TCF25: variants seen among roughly 807,000 people sequenced by gnomAD.
The protein encoded by TCF25 is ribosome quality control complex subunit TCF25.
Under a neutral mutation model 83.1 loss-of-function variants are expected in TCF25, and 41 were observed. That is an observed-to-expected ratio of 0.49 (90% confidence interval 0.38 to 0.64). The LOEUF (loss-of-function observed/expected upper bound fraction) is 0.64, where lower values mean the gene tolerates loss of function less well. Ranked by LOEUF, TCF25 falls within the 30% of genes least tolerant of loss-of-function variation. TCF25 has a pLI of 0.00. For synonymous variants in TCF25, 458 were observed against 365.0 expected (o/e 1.25, Z -2.90); for missense variants, 979 against 914.5 (o/e 1.07, Z -0.91).
intron 15 of TCF25, 141 bp from the exon 16 acceptor site, chr16:89,907,102 A>G (rs1209934537): frequency 3.5e-6 from 3 of 846,204 alleles, no homozygotes; most frequent in Admixed American, 1.9e-5. Flanking sequence ...CAAAAAGCAC[A>G]GCCGTTTCTG....
chr16:89,908,963 C>T (rs2045314628), intron 16 of TCF25: 1 of 1,289,304 alleles, frequency 7.8e-7, no homozygotes, highest in South Asian at 1.2e-5. Context: ...TTTCCCCTCA[C>T]AGGAAGGGAG....
At chr16:89,898,954 T>G in intron 11 of TCF25, 82 bp downstream of exon 11, 1 of 1,345,498 alleles carries the variant, frequency 7.4e-7, no homozygotes, top group Non-Finnish European at 1.0e-6. Flanking sequence ...ATCTGTGCGC[T>G]CAGGGGACGT....
intron 16 of TCF25, among the ~76,000 whole-genome samples, chr16:89,908,475 G>A (rs147451820): frequency 0.024 from 1,110 of 45,480 alleles, 19 homozygotes; most frequent in South Asian, 0.18. Context: ...GTTCCCACCT[G>A]CCAGCTCCCA....
At chr16:89,905,854 C>A (rs2044731852) in intron 14 of TCF25, among the ~76,000 whole-genome samples, 1 of 152,256 alleles carries the variant, frequency 6.6e-6, no homozygotes, top group African/African-American at 2.4e-5. Flanking sequence ...GTAGCCGTAG[C>A]AGTGACGATG....
intron 15 of TCF25, 52 bp downstream of exon 15, chr16:89,906,336 GTCCCTTCTGC>G: frequency 5.1e-6 from 8 of 1,573,562 alleles, no homozygotes; most frequent in Non-Finnish European, 7.0e-6. Context: ...TCACATGCAC[GTCCCTTCTGC>G]TCCGGGCGGT....
At position 89,911,202 on chromosome 16, in the gene TCF25, C is replaced by G. The variant is rs764244778; in HGVS notation, c.1995C>G (p.His665Gln). ...NFHLNDLEAP[H>Q]EDDAEGEGEW... is the part of the protein sequence containing the mutation. ...ACCTCAACGACCTGGAGGCGCCGCA[C>G]GAGGACGACGCTGAGGGGGAGGGGG... Residue 665 changes from histidine (H) to glutamine (Q), a missense_variant, in exon 18 of 18, where the codon CAC becomes CAG. Coordinates refer to ENST00000263346, the MANE Select transcript of TCF25 (RefSeq NM_014972.3). 8.1e-6 allele frequency: 13 copies of G among 1,612,350 alleles called. No individual in the cohort carries two copies. The highest frequency in any genetic ancestry group is 7.7e-5 in the South Asian group (7 of 91,060).
chr16:89,910,593 T>C lies in TCF25; in HGVS notation c.1802T>C (p.Leu601Pro). The C allele has an allele frequency of 6.2e-7, 1 of 1,613,668 alleles. No homozygotes were observed. Among genetic ancestry groups the C allele is most frequent in the Non-Finnish European group, 8.5e-7 (1 of 1,179,910 alleles). The change falls in exon 17 of 18, where the codon CTA becomes CCA. Residue 601 changes from leucine to proline, a missense_variant and splice_region_variant. Transcript: ENST00000263346. ...TIYSYVRPER[L>P]SPISHGNTIA... Reference sequence around the variant, plus strand: ...GACTTTTCTTGACTTTCTTTCAGGCTAAGTCCTATCAGCCATGGAAACACC... The same window carrying C: ...GACTTTTCTTGACTTTCTTTCAGGCCAAGTCCTATCAGCCATGGAAACACC...
chr16:89,900,223 A>G (rs2044202951), intron 11 of TCF25, among the ~76,000 whole-genome samples: 1 of 151,378 alleles, frequency 6.6e-6, no homozygotes, highest in African/African-American at 2.4e-5. Flanking sequence ...CTGCTCGGAA[A>G]CTCGCGTGGC....
intron 5 of TCF25, chr16:89,889,771 A>T (rs564274472): frequency 1.3e-5 from 2 of 152,226 alleles, no homozygotes; most frequent in Admixed American, 6.6e-5. Flanking sequence ...GCTCGTCTCG[A>T]ACTCCCAACC....
At chr16:89,900,245 G>C (rs1270125213) in intron 11 of TCF25, among the ~76,000 whole-genome samples, 6 of 142,832 alleles carry the variant, frequency 4.2e-5, no homozygotes, top group African/African-American at 1.5e-4. Context: ...GGCTGCTCTC[G>C]GAAACTCGCG....
At chr16:89,876,873 G>T (rs1040433882) in intron 1 of TCF25, among the ~76,000 whole-genome samples, 1 of 149,638 alleles carries the variant, frequency 6.7e-6, no homozygotes, top group Non-Finnish European at 1.5e-5. Context: ...AGCTTGCAGT[G>T]AGCTGAGATC....
intron 11 of TCF25, among the ~76,000 whole-genome samples, chr16:89,900,152 C>T (rs553773933): frequency 1.3e-5 from 2 of 152,054 alleles, no homozygotes; most frequent in Non-Finnish European, 2.9e-5. Flanking sequence ...TGCAGTGAGT[C>T]ACATGTCTAC....
chr16:89,900,989 AGCCAG>A, intron 12 of TCF25, 195 bp downstream of exon 12: 1 of 574,516 alleles, frequency 1.7e-6, no homozygotes, highest in Non-Finnish European at 2.8e-6. Flanking sequence ...CTGCGTGCCA[AGCCAG>A]GCACGAGGAG....
rs1418476075 is a variant in TCF25 at position 89,876,412 on chromosome 16, A to G, written c.192+2553A>G. 2.0e-5 allele frequency among the ~76,000 whole-genome samples: 3 copies of G among 152,202 alleles called. 1 individual carries two copies. In the South Asian group the frequency reaches 6.2e-4, roughly 31 times the overall value. On this transcript the variant is annotated intron_variant, in intron 1 of 17. Coordinates refer to ENST00000263346, the MANE Select transcript of TCF25 (RefSeq NM_014972.3). The stretch of plus-strand genomic sequence containing the variant: ...GAATGTGAATGCATTGGTGAGAGAC[A>G]TGGTGTTTCTCTTTTTAAAAAATTT...
intron 5 of TCF25, chr16:89,889,239 T>C: frequency 2.5e-6 from 1 of 401,760 alleles, no homozygotes; most frequent in Non-Finnish European, 4.9e-6. Context: ...GACAGGGTCT[T>C]GCTGGGTTGT....
chr16:89,907,183 G>A, intron 15 of TCF25, 60 bp from the exon 16 acceptor site: 2 of 1,543,524 alleles, frequency 1.3e-6, no homozygotes, highest in Middle Eastern at 1.7e-4. Flanking sequence ...ACTCTGCTGG[G>A]AGAGGTAGAG....
chr16:89,878,982 G>A (rs943006556), intron 1 of TCF25, among the ~76,000 whole-genome samples: 1 of 152,232 alleles, frequency 6.6e-6, no homozygotes, highest in African/African-American at 2.4e-5. Flanking sequence ...GCATTTTAGA[G>A]CTGATGCATG....
At chr16:89,887,574 T>C in intron 4 of TCF25, 78 bp from the exon 5 acceptor site, 1 of 1,367,984 alleles carries the variant, frequency 7.3e-7, no homozygotes, top group Non-Finnish European at 9.8e-7. Flanking sequence ...CCTTGACTAT[T>C]AGGTGGCTTT....
chr16:89,895,016 G>T (rs752081634), intron 7 of TCF25, 22 bp from the exon 8 acceptor site: 17 of 1,608,310 alleles, frequency 1.1e-5, no homozygotes, highest in Non-Finnish European at 1.4e-5. Flanking sequence ...CTTTCCTCCA[G>T]GGCTGTCCTC....
Sources: allele counts gnomAD v4.1 joint callset (sites outside exome capture counted in the v4.1 genomes callset), GRCh38; gene constraint gnomAD v4.1.1; transcripts MANE v1.5; gene names NCBI Gene and HGNC (gene_info 2026-07-23, HGNC 2026-07-21).